CASK: variants seen among roughly 807,000 people sequenced by gnomAD.
The protein encoded by CASK is calcium/calmodulin dependent serine protein kinase.
In CASK, 4 loss-of-function variants were observed where a neutral mutation model predicts 82.9. The observed-to-expected ratio is 0.05, with a 90% CI of 0.02 to 0.11. CASK has a LOEUF of 0.11. Among genes scored for constraint, CASK ranks in the 10% least tolerant of loss-of-function variants. The pLI is 1.00. For missense variants in CASK, 358 were observed against 720.9 expected (o/e 0.50, Z 5.76); for synonymous variants, 259 against 253.5 (o/e 1.02, Z -0.20).
intron 3 of CASK, among the ~76,000 whole-genome samples, chrX:41,778,929 T>C (rs1321894595): frequency 9.0e-6 from 1 of 111,371 alleles, no homozygotes; most frequent in Non-Finnish European, 1.9e-5. Context: ...TTATATTTTG[T>C]TTGCAGATCC....
intron 5 of CASK, among the ~76,000 whole-genome samples, chrX:41,681,513 C>T (rs1192610514): frequency 8.9e-6 from 1 of 111,913 alleles, no homozygotes; most frequent in Non-Finnish European, 1.9e-5. Flanking sequence ...TGTGATGCTA[C>T]TTATCTTTGC....
At chrX:41,529,355 G>C (rs2064763680) in intron 25 of CASK, among the ~76,000 whole-genome samples, 1 of 112,094 alleles carries the variant, frequency 8.9e-6, no homozygotes, top group Non-Finnish European at 1.9e-5. Flanking sequence ...CAAGGAGAAA[G>C]GGAGAGCTGG....
At chrX:41,867,240 C>T (rs768938388) in intron 1 of CASK, among the ~76,000 whole-genome samples, 13 of 112,032 alleles carry the variant, frequency 1.2e-4, no homozygotes, top group African/African-American at 4.2e-4. Context: ...TTTCTCTTAT[C>T]CATCCTGAGT....
intron 5 of CASK, among the ~76,000 whole-genome samples, chrX:41,705,683 T>C (rs1168227168): frequency 1.8e-5 from 2 of 112,259 alleles, no homozygotes; most frequent in Non-Finnish European, 3.8e-5. Flanking sequence ...CCTGGCTCCA[T>C]AGCATGAACT....
intron 26 of CASK, among the ~76,000 whole-genome samples, chrX:41,521,680 C>T (rs772525733): frequency 1.8e-5 from 2 of 112,328 alleles, no homozygotes; most frequent in South Asian, 7.4e-4. Context: ...TCAACCTTGA[C>T]ACTAGGGAAC....
intron 1 of CASK, among the ~76,000 whole-genome samples, chrX:41,922,729 C>G (rs1428883670): frequency 9.0e-6 from 1 of 111,324 alleles, no homozygotes; most frequent in Non-Finnish European, 1.9e-5. Flanking sequence ...TCGGTGGCCT[C>G]AATGGACCGC....
chrX:41,795,487 GA>G (rs1395052490), intron 2 of CASK, among the ~76,000 whole-genome samples: 1 of 110,607 alleles, frequency 9.0e-6, no homozygotes, highest in East Asian at 2.8e-4. Flanking sequence ...GCAACATGGT[GA>G]AACCCTGTTC....
rs151195441 is a variant in CASK at position 41,717,184 on chromosome X, C to A, written c.429+22200G>T. On this transcript the variant is annotated intron_variant, in intron 5 of 26. Coordinates refer to ENST00000378163, the MANE Select transcript of CASK (RefSeq NM_001367721.1). The stretch of plus-strand genomic sequence containing the variant: ...TGGAGACAGGACACAGTAGTAGAAA[C>A]TCATTGCATTAGGAATAAAAACCCC... Among the ~76,000 whole-genome samples, 801 of 112,073 alleles carry A rather than the reference C, an allele frequency of 7.1e-3. 5 individuals carry two copies. The highest frequency in any genetic ancestry group is 0.014 in the Admixed American group (151 of 10,564).
At chrX:41,620,921 G>A (rs1283347942) in intron 11 of CASK, among the ~76,000 whole-genome samples, 1 of 111,919 alleles carries the variant, frequency 8.9e-6, no homozygotes, top group Non-Finnish European at 1.9e-5. Context: ...GCGTATAGAT[G>A]TTATAATCTC....
intron 15 of CASK, among the ~76,000 whole-genome samples, chrX:41,570,010 C>CTTTTTTTTTTT (rs397937722): frequency 6.4e-4 from 45 of 70,621 alleles, no homozygotes; most frequent in South Asian, 8.2e-4. Flanking sequence ...TTTCTTTTTT[C>CTTTTTTTTTTT]TTTTTTTTTT....
chrX:41,812,735 G>A (rs914879191), intron 2 of CASK, among the ~76,000 whole-genome samples: 1 of 111,369 alleles, frequency 9.0e-6, no homozygotes, highest in African/African-American at 3.3e-5. Context: ...TGGAAGTTCT[G>A]GCCAGGGTAA....
At chrX:41,876,404 T>A (rs2071820317) in intron 1 of CASK, among the ~76,000 whole-genome samples, 1 of 111,609 alleles carries the variant, frequency 9.0e-6, no homozygotes, top group South Asian at 3.7e-4. Flanking sequence ...TCCATGACTT[T>A]TTTAATCAAT....
At chrX:41,747,317 C>A (rs756727044) in intron 3 of CASK, among the ~76,000 whole-genome samples, 1 of 111,443 alleles carries the variant, frequency 9.0e-6, no homozygotes, top group Non-Finnish European at 1.9e-5. Context: ...AGTATGGCAG[C>A]ACTCATTTTC....
intron 2 of CASK, among the ~76,000 whole-genome samples, chrX:41,811,062 G>C (rs2147881105): frequency 9.0e-6 from 1 of 111,486 alleles, no homozygotes; most frequent in East Asian, 2.8e-4. Context: ...CCCAATACAG[G>C]AGCACCCAGA....
At chrX:41,567,789 C>T (rs761624066) in intron 16 of CASK, among the ~76,000 whole-genome samples, 111 of 111,376 alleles carry the variant, frequency 1.0e-3, no homozygotes, top group African/African-American at 3.6e-3. Context: ...CACATGCACA[C>T]GTATGTTTAT....
At chrX:41,613,207 A>G (rs1401744221) in intron 11 of CASK, among the ~76,000 whole-genome samples, 1 of 111,710 alleles carries the variant, frequency 9.0e-6, no homozygotes, top group Non-Finnish European at 1.9e-5. Flanking sequence ...AAGGTGGGGA[A>G]AAGATTGAGA....
intron 12 of CASK, among the ~76,000 whole-genome samples, chrX:41,600,198 A>G (rs2065874657): frequency 8.9e-6 from 1 of 112,217 alleles, no homozygotes. Context: ...TTGCATAGGT[A>G]AACACCAAGC....
At chrX:41,779,408 C>T (rs909360938) in intron 3 of CASK, among the ~76,000 whole-genome samples, 4 of 111,895 alleles carry the variant, frequency 3.6e-5, no homozygotes, top group African/African-American at 1.3e-4. Flanking sequence ...GCTGATTTCT[C>T]TTTATATCCT....
At chrX:41,568,282 G>A (rs980246525) in intron 16 of CASK, among the ~76,000 whole-genome samples, 7 of 110,291 alleles carry the variant, frequency 6.3e-5, no homozygotes, top group Admixed American at 1.9e-4. Flanking sequence ...GAATGATGTT[G>A]TGGCTTTACT....
Sources: gnomAD v4.1 joint callset for allele counts (sites outside exome capture counted in the v4.1 genomes callset) on GRCh38, gnomAD v4.1.1 for gene constraint, MANE v1.5 for transcripts, NCBI Gene and HGNC (gene_info 2026-07-23, HGNC 2026-07-21) for gene names.